The following ARHGAP39 variants were observed in gnomAD, a reference collection of about 807,000 sequenced individuals.
ARHGAP39 encodes rho GTPase-activating protein 39.
ARHGAP39 carries 44 observed loss-of-function variants against 106.9 expected under a neutral mutation model. The ratio of observed to expected loss-of-function variants is 0.41; its 90% confidence interval spans 0.32 to 0.53. ARHGAP39 has a LOEUF of 0.53. Among genes scored for constraint, ARHGAP39 ranks in the 20% least tolerant of loss-of-function variants. The probability of loss-of-function intolerance (pLI) is 0.21; values close to 1 mark genes in which losing one functional copy is unlikely to be tolerated. For missense variants in ARHGAP39, 1,496 were observed against 1,577.3 expected (o/e 0.95, Z 0.87); for synonymous variants, 768 against 693.2 (o/e 1.11, Z -1.69).
At chr8:144,696,584 A>G in the ARHGAP39 span, among the ~76,000 whole-genome samples, 1 of 152,198 alleles carries the variant, frequency 6.6e-6, no homozygotes, top group Non-Finnish European at 1.5e-5. Flanking sequence ...CCGCTGATCT[A>G]TCTTGCACAT....
rs1424552965 is a variant in ARHGAP39, at chr8:144,534,222, G to C, written c.2615-20C>G. ...CCACCCCTGGAAAGGAAAGGGGCCT[G>C]ATCAGCCTGATGTGGGTGTGTGGGT... On this transcript the variant is annotated intron_variant, in intron 7 of 11. Transcript: ENST00000377307. The C allele has an allele frequency of 1.9e-6, 3 of 1,612,904 alleles. No individual in the cohort carries two copies. Among genetic ancestry groups the C allele is most frequent in the Non-Finnish European group, 2.5e-6 (3 of 1,179,556 alleles).
At chr8:144,602,976 C>T (rs540452154) in intron 2 of ARHGAP39, among the ~76,000 whole-genome samples, 65 of 126,962 alleles carry the variant, frequency 5.1e-4, no homozygotes, top group African/African-American at 1.9e-3. Context: ...CGTGCGAGCT[C>T]GTGTACCTGT....
intron 3 of ARHGAP39, among the ~76,000 whole-genome samples, chr8:144,570,474 A>T (rs1818548187): frequency 6.6e-6 from 1 of 152,190 alleles, no homozygotes; most frequent in African/African-American, 2.4e-5. Context: ...CAAACTCTAA[A>T]AGTTGACTTC....
chr8:144,626,706 G>C (rs1820926002), intron 1 of ARHGAP39, among the ~76,000 whole-genome samples: 1 of 152,216 alleles, frequency 6.6e-6, no homozygotes, highest in Non-Finnish European at 1.5e-5. Context: ...GTACAAGGTG[G>C]ACCCCCACGG....
At position 144,585,848 on chromosome 8, in the gene ARHGAP39, T is replaced by C. The variant is rs778331088; in HGVS notation, c.81-4571A>G. On this transcript the variant is annotated intron_variant, in intron 2 of 11. Coordinates refer to ENST00000377307, the MANE Select transcript of ARHGAP39 (RefSeq NM_025251.3). This position sits in a 1 kb window ranked among gnomAD's most constrained non-coding sequence, Gnocchi z 4.6. ...ATCACACAAATAAAAATGGCAACTGTTGAAAGGGGCTGGACGGGTGCCCTG... is the reference window on the plus strand; with the variant it reads ...ATCACACAAATAAAAATGGCAACTGCTGAAAGGGGCTGGACGGGTGCCCTG... Among the ~76,000 whole-genome samples, 30 of 152,164 alleles carry C rather than the reference T, an allele frequency of 2.0e-4. No individual in the cohort carries two copies. Among genetic ancestry groups the C allele is most frequent in the Non-Finnish European group, 4.0e-4 (27 of 68,012 alleles).
At chr8:144,676,027 A>AG (rs1822228011) in intron 1 of ARHGAP39, among the ~76,000 whole-genome samples, 1 of 152,126 alleles carries the variant, frequency 6.6e-6, no homozygotes, top group African/African-American at 2.4e-5. Context: ...GTGAAGCTGC[A>AG]GACCTTCTCG....
chr8:144,549,949 A>G (rs1180174234), intron 4 of ARHGAP39, among the ~76,000 whole-genome samples: 1 of 152,228 alleles, frequency 6.6e-6, no homozygotes, highest in Non-Finnish European at 1.5e-5. Flanking sequence ...TCAGGCTTCT[A>G]TAACAAAATA....
intron 2 of ARHGAP39, among the ~76,000 whole-genome samples, chr8:144,594,176 A>G (rs1468172203): frequency 6.6e-6 from 1 of 152,130 alleles, no homozygotes; most frequent in African/African-American, 2.4e-5. Context: ...AGATATGCAG[A>G]TGGCCAATCT....
At chr8:144,544,448 G>C (rs1817319828) in intron 6 of ARHGAP39, among the ~76,000 whole-genome samples, 1 of 152,284 alleles carries the variant, frequency 6.6e-6, no homozygotes, top group Non-Finnish European at 1.5e-5. Flanking sequence ...ACAGTCTATG[G>C]CATGTCTGAC....
At chr8:144,558,460 T>G (rs930342758) in intron 3 of ARHGAP39, among the ~76,000 whole-genome samples, 1 of 152,062 alleles carries the variant, frequency 6.6e-6, no homozygotes, top group Non-Finnish European at 1.5e-5. Context: ...GCCTGGCTAA[T>G]TTTTGTATTT....
chr8:144,582,569 C>T (rs1378417106), intron 2 of ARHGAP39, among the ~76,000 whole-genome samples: 3 of 152,228 alleles, frequency 2.0e-5, no homozygotes, highest in Admixed American at 6.5e-5. Flanking sequence ...ACTGTTTGCT[C>T]CTCTGTGTTT....
At chr8:144,654,382 G>C (rs1290457375) in intron 1 of ARHGAP39, among the ~76,000 whole-genome samples, 4 of 151,710 alleles carry the variant, frequency 2.6e-5, no homozygotes, top group African/African-American at 9.7e-5. Context: ...GCAGGTGCTT[G>C]GAGTCCCAGT....
intron 2 of ARHGAP39, among the ~76,000 whole-genome samples, chr8:144,601,384 TGAG>T (rs1383826604): frequency 6.4e-5 from 5 of 78,544 alleles, no homozygotes; most frequent in Non-Finnish European, 1.2e-4. Context: ...GTGTGTGCGT[TGAG>T]GCGTGTGTGC....
intron 1 of ARHGAP39, among the ~76,000 whole-genome samples, chr8:144,667,605 C>T (rs1821996072): frequency 6.6e-6 from 1 of 152,214 alleles, no homozygotes; most frequent in Non-Finnish European, 1.5e-5. Flanking sequence ...AAACTGTTTA[C>T]ACCCTAAGGT....
chr8:144,578,778 G>A (rs1818860015), intron 3 of ARHGAP39, among the ~76,000 whole-genome samples: 1 of 152,060 alleles, frequency 6.6e-6, no homozygotes, highest in East Asian at 1.9e-4. Context: ...GGGCCCGGGA[G>A]GTGAGGGCTG....
intron 1 of ARHGAP39, among the ~76,000 whole-genome samples, chr8:144,630,065 C>T (rs1213856275): frequency 2.0e-5 from 3 of 152,070 alleles, no homozygotes; most frequent in Non-Finnish European, 4.4e-5. Flanking sequence ...TGGTGTGGGA[C>T]GAGCCCAGAT....
chr8:144,665,110 A>C (rs1821929420), intron 1 of ARHGAP39, among the ~76,000 whole-genome samples: 1 of 152,180 alleles, frequency 6.6e-6, no homozygotes, highest in African/African-American at 2.4e-5. Context: ...TGAGAACTGG[A>C]GCAAAGATGA....
chr8:144,617,294 C>A (rs1451495473), intron 1 of ARHGAP39, among the ~76,000 whole-genome samples: 1 of 151,580 alleles, frequency 6.6e-6, no homozygotes, highest in Non-Finnish European at 1.5e-5. Flanking sequence ...GAGGGCCTGG[C>A]ACCTCACGTC....
chr8:144,627,380 G>A (rs1265282770), intron 1 of ARHGAP39, among the ~76,000 whole-genome samples: 2 of 152,018 alleles, frequency 1.3e-5, no homozygotes, highest in Admixed American at 6.6e-5. Context: ...GTGAAACCCC[G>A]TCTCTACTAA....
Sources: allele counts gnomAD v4.1 joint callset (sites outside exome capture counted in the v4.1 genomes callset), GRCh38; gene constraint gnomAD v4.1.1; non-coding constraint Gnocchi (gnomAD v3.1); transcripts MANE v1.5; gene names NCBI Gene and HGNC (gene_info 2026-07-23, HGNC 2026-07-21).